The following PRPS1 variants were observed in gnomAD, a reference collection of about 807,000 sequenced individuals.
PRPS1 encodes phosphoribosyl pyrophosphate synthetase 1.
In PRPS1, 1 loss-of-function variant was observed where a neutral mutation model predicts 16.9. The ratio of observed to expected loss-of-function variants is 0.06; its 90% confidence interval spans 0.02 to 0.28. The LOEUF is 0.28. PRPS1 is among the 10% of genes least tolerant of loss of function. The pLI is 1.00. For synonymous variants in PRPS1, 70 were observed against 90.2 expected (o/e 0.78, Z 1.27); for missense variants, 47 against 254.0 (o/e 0.19, Z 5.54).
At chrX:107,635,989 G>A (rs1289131314) in intron 1 of PRPS1, among the ~76,000 whole-genome samples, 5 of 104,867 alleles carry the variant, frequency 4.8e-5, no homozygotes, top group Non-Finnish European at 9.8e-5. Context: ...GAACCCGGGA[G>A]GTGGAGGTCG....
At position 107,649,984 on chromosome X, in the gene PRPS1, T is replaced by G; in HGVS notation, c.909T>G (p.Thr303=). 1 of 1,212,105 alleles carries G rather than the reference T, an allele frequency of 8.3e-7. No individual in the cohort carries two copies. Among genetic ancestry groups the G allele is most frequent in the Non-Finnish European group, 1.1e-6 (1 of 895,603 alleles). The change falls in exon 7 of 7, where the codon ACT becomes ACG. Residue 303 remains threonine (T), a synonymous_variant. Coordinates refer to ENST00000372435, the MANE Select transcript of PRPS1 (RefSeq NM_002764.4). ...TCCTTGCAGAAGCCATCAGGAGAAC[T>G]CACAATGGAGAATCCGTTTCTTACC... ...SMILAEAIRR[T]HNGESVSYLF...
chrX:107,649,668 C>G (rs2147687308), intron 6 of PRPS1, among the ~76,000 whole-genome samples: 1 of 107,763 alleles, frequency 9.3e-6, no homozygotes, highest in African/African-American at 3.4e-5. Flanking sequence ...TGTTGGCCAG[C>G]CTGGTCTCCA....
At position 107,631,999 on chromosome X, in the gene PRPS1, A is replaced by G. The variant is rs763795780; in HGVS notation, c.122+3249A>G. Reference sequence around the variant, plus strand: ...CTACCGTGCCCGGCTATAATATTTAATGTATAGTGAATGCCTAAGATGTGC... The same window carrying G: ...CTACCGTGCCCGGCTATAATATTTAGTGTATAGTGAATGCCTAAGATGTGC... On this transcript the variant is annotated intron_variant, in intron 1 of 6. Transcript: ENST00000372435. Among the ~76,000 whole-genome samples the G allele has an allele frequency of 3.2e-4, 36 of 112,589 alleles. No homozygotes were observed. In the Admixed American group the frequency reaches 3.2e-3, roughly 10 times the overall value.
At chrX:107,629,174 T>C (rs1338584921) in intron 1 of PRPS1, among the ~76,000 whole-genome samples, 1 of 111,497 alleles carries the variant, frequency 9.0e-6, no homozygotes, top group Non-Finnish European at 1.9e-5. Context: ...CGTACTGAGC[T>C]CTCCTGGTCT....
At chrX:107,648,939 A>G (rs1925766967) in intron 6 of PRPS1, among the ~76,000 whole-genome samples, 1 of 107,569 alleles carries the variant, frequency 9.3e-6, no homozygotes, top group Non-Finnish European at 1.9e-5. Flanking sequence ...TTTTATTTTT[A>G]GTAGAGATGG....
intron 2 of PRPS1, 120 bp downstream of exon 2, chrX:107,639,598 AG>A: frequency 1.4e-6 from 1 of 719,156 alleles, no homozygotes; most frequent in Admixed American, 2.7e-5. Context: ...ACCTTTTCTT[AG>A]GTATTACCCT....
chrX:107,634,128 A>G (rs1216798618), intron 1 of PRPS1, among the ~76,000 whole-genome samples: 8 of 111,713 alleles, frequency 7.2e-5, no homozygotes, highest in Non-Finnish European at 1.5e-4. Context: ...GAAGCCTTAT[A>G]GAACCATGGA....
At chrX:107,648,918 CCTGA>C (rs1429660617) in intron 6 of PRPS1, among the ~76,000 whole-genome samples, 4 of 109,903 alleles carry the variant, frequency 3.6e-5, no homozygotes, top group East Asian at 2.9e-4. Flanking sequence ...TGCCACCACG[CCTGA>C]CTAATTTTTT....
At chrX:107,641,627 C>T (rs1279148487) in intron 3 of PRPS1, among the ~76,000 whole-genome samples, 1 of 111,429 alleles carries the variant, frequency 9.0e-6, no homozygotes, top group Non-Finnish European at 1.9e-5. Context: ...CAAAGTGCTG[C>T]GATTACAAGC....
At position 107,645,341 on chromosome X, in the gene PRPS1, C is replaced by G; in HGVS notation, c.695C>G (p.Ala232Gly). ...GACACTTGTGGCACAATCTGCCATG[C>G]AGCTGACAAGTAAGTGTGGATTGAT... Reference protein sequence around the residue: ...MADTCGTICHAADKLLSAGAT... With the variant: ...MADTCGTICHGADKLLSAGAT... The change falls in exon 5 of 7, where the codon GCA becomes GGA. Residue 232 changes from alanine to glycine, a missense_variant. Ala to Gly is a moderately conservative substitution (Grantham distance 60). This residue lies in a region of PRPS1 where 26 missense variants were observed against 70.2 expected (regional missense o/e 0.37). Coordinates refer to ENST00000372435, the MANE Select transcript of PRPS1 (RefSeq NM_002764.4). 1 of 1,211,719 alleles carries G rather than the reference C, an allele frequency of 8.3e-7. No individual in the cohort carries two copies. Among genetic ancestry groups the G allele is most frequent in the Non-Finnish European group, 1.1e-6 (1 of 895,510 alleles).
chrX:107,633,029 T>C (rs1387613477), intron 1 of PRPS1, among the ~76,000 whole-genome samples: 1 of 112,164 alleles, frequency 8.9e-6, no homozygotes, highest in East Asian at 2.8e-4. Context: ...TAAGATCTTT[T>C]CAAAAGCCCC....
chrX:107,629,963 T>A (rs1173863548), intron 1 of PRPS1: 2 of 112,745 alleles, frequency 1.8e-5, no homozygotes, highest in Non-Finnish European at 3.7e-5. Flanking sequence ...TTTTGCTTAC[T>A]TTTTTGCTTT....
At chrX:107,636,153 C>T (rs1344650697) in intron 1 of PRPS1, among the ~76,000 whole-genome samples, 2 of 110,657 alleles carry the variant, frequency 1.8e-5, no homozygotes, top group Non-Finnish European at 3.8e-5. Flanking sequence ...GACGGAGTCC[C>T]GCTCTGTCAC....
intron 2 of PRPS1, among the ~76,000 whole-genome samples, chrX:107,639,749 C>T (rs567661963): frequency 1.7e-3 from 185 of 111,589 alleles, no homozygotes; most frequent in Middle Eastern, 9.3e-3. Context: ...AGCACCAACT[C>T]CTCTGGAGTA....
intron 5 of PRPS1, among the ~76,000 whole-genome samples, chrX:107,645,711 T>C (rs1925677499): frequency 8.9e-6 from 1 of 111,813 alleles, no homozygotes; most frequent in African/African-American, 3.3e-5. Flanking sequence ...CGATTGTTTT[T>C]TGTTTTAATG....
chrX:107,637,950 A>ATATATATATATT (rs1411479537), intron 1 of PRPS1, among the ~76,000 whole-genome samples: 1 of 98,363 alleles, frequency 1.0e-5, no homozygotes, highest in African/African-American at 3.8e-5. Context: ...ATATATATAT[A>ATATATATATATT]TTTTTTTGAT....
Position 107,647,627 on chromosome X carries a change from C to T in PRPS1, c.726C>T (p.Thr242=). The change falls in exon 6 of 7, where the codon ACC becomes ACT. Residue 242 remains threonine (T), a synonymous_variant. Transcript: ENST00000372435. ...AADKLLSAGA[T]RVYAILTHGI... ...CTAGACTTCTCTCAGCTGGCGCCAC[C>T]AGAGTTTATGCCATCTTGACTCATG... is the stretch of plus-strand genomic sequence containing the variant. 8.3e-7 allele frequency: 1 copy of T among 1,211,619 alleles called. No individual in the cohort carries two copies. The highest frequency in any genetic ancestry group is 1.1e-6 in the Non-Finnish European group (1 of 895,425).
intron 1 of PRPS1, among the ~76,000 whole-genome samples, chrX:107,631,322 C>T (rs1925305276): frequency 8.9e-6 from 1 of 111,845 alleles, no homozygotes; most frequent in African/African-American, 3.2e-5. Flanking sequence ...AACTCGCGGG[C>T]TCAAGTGATC....
At chrX:107,630,846 A>G (rs921808465) in intron 1 of PRPS1, among the ~76,000 whole-genome samples, 2 of 111,626 alleles carry the variant, frequency 1.8e-5, no homozygotes, top group Non-Finnish European at 3.8e-5. Context: ...CTTTGCCCCA[A>G]TAATCTAATC....
Sources: allele counts gnomAD v4.1 joint callset (sites outside exome capture counted in the v4.1 genomes callset), GRCh38; gene constraint gnomAD v4.1.1; regional missense constraint gnomAD v4.1.1; transcripts MANE v1.5; gene names NCBI Gene and HGNC (gene_info 2026-07-23, HGNC 2026-07-21).